Variants in MYO3A observed in about 807,000 individuals in gnomAD.
MYO3A encodes myosin-IIIa.
A neutral mutation model predicts 192.7 loss-of-function variants in MYO3A; 180 were observed. That is an observed-to-expected ratio of 0.93 (90% CI 0.83 to 1.06). MYO3A has a LOEUF of 1.06. Ranked by LOEUF, MYO3A falls within the 50% of genes least tolerant of loss-of-function variation. The pLI, the probability that MYO3A is intolerant of heterozygous loss-of-function variation, is 0.00. For missense variants in MYO3A, 1,896 were observed against 1,905.0 expected (o/e 1.00, Z 0.09); for synonymous variants, 628 against 645.3 (o/e 0.97, Z 0.41).
chr10:26,054,865 AT>A (rs1036833005), intron 10 of MYO3A, among the ~76,000 whole-genome samples: 2 of 152,196 alleles, frequency 1.3e-5, no homozygotes. Flanking sequence ...GATGAAACTG[AT>A]TTGGGATTTC....
chr10:26,211,127 T>C (rs562421298), intron 34 of MYO3A, among the ~76,000 whole-genome samples: 4 of 152,328 alleles, frequency 2.6e-5, no homozygotes, highest in South Asian at 4.1e-4. Flanking sequence ...TCTGCTCACC[T>C]GTCACCTACA....
intron 8 of MYO3A, chr10:26,022,458 A>G (rs1200059190): frequency 6.6e-6 from 1 of 152,202 alleles, no homozygotes; most frequent in Non-Finnish European, 1.5e-5. Context: ...GCATCTAACT[A>G]AATTATTATA....
intron 19 of MYO3A, among the ~76,000 whole-genome samples, 199 bp downstream of exon 19, chr10:26,125,807 A>G (rs1261390900): frequency 6.6e-6 from 1 of 152,180 alleles, no homozygotes; most frequent in Non-Finnish European, 1.5e-5. Context: ...AAAATTTTTA[A>G]GTTGCTGCAA....
At chr10:26,101,166 CTT>C (rs1837427345) in intron 17 of MYO3A, among the ~76,000 whole-genome samples, 1 of 152,098 alleles carries the variant, frequency 6.6e-6, no homozygotes, top group African/African-American at 2.4e-5. Context: ...TTCTTTGTCT[CTT>C]TTGATCTTTG....
chr10:26,044,612 A>T (rs144345749), intron 10 of MYO3A, among the ~76,000 whole-genome samples: 77 of 152,328 alleles, frequency 5.1e-4, no homozygotes, highest in African/African-American at 1.8e-3. Context: ...CTCTGTATAT[A>T]ACTAATGCTA....
intron 6 of MYO3A, among the ~76,000 whole-genome samples, chr10:26,007,568 A>G (rs1322113588): frequency 1.3e-5 from 2 of 152,196 alleles, no homozygotes; most frequent in Non-Finnish European, 2.9e-5. Flanking sequence ...CAAAATCACA[A>G]GCATTCTTAT....
At chr10:26,052,941 A>G (rs1439487500) in intron 10 of MYO3A, among the ~76,000 whole-genome samples, 1 of 152,210 alleles carries the variant, frequency 6.6e-6, no homozygotes. Context: ...GTCTGAAACT[A>G]TGTCTCTCCA....
intron 4 of MYO3A, among the ~76,000 whole-genome samples, chr10:25,992,585 G>A (rs1452441099): frequency 6.6e-6 from 1 of 152,142 alleles, no homozygotes; most frequent in African/African-American, 2.4e-5. Flanking sequence ...CCTGTCTTGT[G>A]CCGGTTTTCA....
Position 26,026,456 on chromosome 10 carries a change from A to T in MYO3A, c.877A>T (p.Lys293Ter), listed in dbSNP as rs1842548961. 1.2e-6 allele frequency: 2 copies of T among 1,614,080 alleles called. No individual in the cohort carries two copies. The highest frequency in any genetic ancestry group is 2.7e-5 in the African/African-American group (2 of 74,960). ...TAAATTCATTACTCAAATTGAGGGC[A>T]AAGATGTGATGCTACAAAAACAACT... ...QHKFITQIEG[K>*]DVMLQKQLTE... The change falls in exon 10 of 35, where the codon AAA (lysine) becomes TAA (stop). Residue 293 changes from lysine to a stop codon, truncating the protein, a stop_gained. Coordinates refer to ENST00000642920, the MANE Select transcript of MYO3A (RefSeq NM_017433.5). LOFTEE classifies it high-confidence loss of function.
At position 26,080,591 on chromosome 10, in the gene MYO3A, G is replaced by T. The variant is rs377378027; in HGVS notation, c.1360-7612G>T. 6.1e-4 allele frequency among the ~76,000 whole-genome samples: 81 copies of T among 133,824 alleles called. 1 individual carries two copies. The highest frequency in any genetic ancestry group is 7.9e-4 in the African/African-American group (29 of 36,928). The allele number at this position is 133,824 out of a possible 152,430, so 87.8% of individuals were successfully genotyped here. ...GCTGGTGAACTAGTGTAATTTTTTT[G>T]GGGGGAGGCGGGGCGGGGGTGGGTG... On this transcript the variant is annotated intron_variant, in intron 14 of 34. Coordinates refer to ENST00000642920, the MANE Select transcript of MYO3A (RefSeq NM_017433.5).
chr10:25,963,512 T>C (rs767494318), intron 4 of MYO3A, among the ~76,000 whole-genome samples: 23 of 152,198 alleles, frequency 1.5e-4, no homozygotes, highest in Non-Finnish European at 3.2e-4. Context: ...GAAGGGAATA[T>C]AAAGCCTTTG....
chr10:26,080,843 C>T (rs1048301323), intron 14 of MYO3A, among the ~76,000 whole-genome samples: 8 of 152,222 alleles, frequency 5.3e-5, no homozygotes, highest in South Asian at 4.2e-4. Flanking sequence ...AGCCACCCAG[C>T]GAGTCTGCCC....
intron 34 of MYO3A, among the ~76,000 whole-genome samples, chr10:26,205,463 CTTTTTTTT>C (rs759042803): frequency 2.0e-5 from 2 of 98,708 alleles, no homozygotes; most frequent in African/African-American, 8.1e-5. Flanking sequence ...GTGTGCTTGT[CTTTTTTTT>C]TTTTTTTTGG....
At chr10:26,046,779 A>G (rs144767565) in intron 10 of MYO3A, among the ~76,000 whole-genome samples, 1 of 152,366 alleles carries the variant, frequency 6.6e-6, no homozygotes, top group African/African-American at 2.4e-5. Context: ...TTCAGTAAAT[A>G]TATACAAGGA....
chr10:26,127,120 C>G (rs946601080), intron 19 of MYO3A, among the ~76,000 whole-genome samples: 9 of 152,008 alleles, frequency 5.9e-5, no homozygotes, highest in African/African-American at 2.2e-4. Flanking sequence ...ATCTTGGAGC[C>G]TTTTAAGAAC....
chr10:26,173,545 G>C, intron 29 of MYO3A, 118 bp from the exon 30 acceptor site: 1 of 888,084 alleles, frequency 1.1e-6, no homozygotes, highest in Non-Finnish European at 1.7e-6. Flanking sequence ...TTTTAATTTT[G>C]AGCTTTCTTT....
intron 21 of MYO3A, among the ~76,000 whole-genome samples, chr10:26,144,938 G>A (rs2131853762): frequency 6.6e-6 from 1 of 152,290 alleles, no homozygotes; most frequent in Non-Finnish European, 1.5e-5. Context: ...CACTTTGGGA[G>A]GCCGACACAG....
chr10:26,086,289 T>C (rs1328823097), intron 14 of MYO3A, among the ~76,000 whole-genome samples: 1 of 152,092 alleles, frequency 6.6e-6, no homozygotes, highest in African/African-American at 2.4e-5. Context: ...ACTCAGTCAT[T>C]ATCACAAGAA....
chr10:26,147,620 G>A, intron 23 of MYO3A, 61 bp downstream of exon 23: 1 of 1,608,994 alleles, frequency 6.2e-7, no homozygotes, highest in Non-Finnish European at 8.5e-7. Context: ...TTCTATCTCT[G>A]CGCTTTTCAC....
Sources: allele counts gnomAD v4.1 joint callset (sites outside exome capture counted in the v4.1 genomes callset), GRCh38; gene constraint gnomAD v4.1.1; transcripts MANE v1.5; gene names NCBI Gene and HGNC (gene_info 2026-07-23, HGNC 2026-07-21).